MAD1L1: variants seen among roughly 807,000 people sequenced by gnomAD.
MAD1L1 encodes mitotic arrest deficient 1 like 1, also known as mitotic spindle assembly checkpoint protein MAD1.
A neutral mutation model predicts 96.9 loss-of-function variants in MAD1L1; 95 were observed. The ratio of observed to expected loss-of-function variants is 0.98; its 90% confidence interval spans 0.83 to 1.16. The LOEUF (loss-of-function observed/expected upper bound fraction) is 1.16. Among genes scored for constraint, MAD1L1 ranks in the 50% most tolerant of loss-of-function variants. MAD1L1 has a pLI of 0.00. For missense variants in MAD1L1, 1,007 were observed against 954.4 expected, an observed-to-expected ratio of 1.06 and a Z score of -0.73; for synonymous variants, 473 against 396.6, an observed-to-expected ratio of 1.19 and a Z score of -2.29.
At chr7:1,882,704 G>A (rs1442986370) in intron 18 of MAD1L1, among the ~76,000 whole-genome samples, 1 of 152,188 alleles carries the variant, frequency 6.6e-6, no homozygotes, top group East Asian at 1.9e-4. Flanking sequence ...CATGACATGG[G>A]CTCCAGCCAC....
At chr7:1,869,480 A>G (rs1308619002) in intron 18 of MAD1L1, among the ~76,000 whole-genome samples, 1 of 152,096 alleles carries the variant, frequency 6.6e-6, no homozygotes, top group Non-Finnish European at 1.5e-5. Context: ...GCCCACGTGC[A>G]GCTGGGAGCA....
chr7:2,051,451 A>AG (rs570399808), intron 12 of MAD1L1, among the ~76,000 whole-genome samples: 126 of 152,178 alleles, frequency 8.3e-4, no homozygotes, highest in African/African-American at 2.6e-3. Context: ...AGTGGTGGCG[A>AG]GGGGGGCGCT....
intron 11 of MAD1L1, among the ~76,000 whole-genome samples, chr7:2,100,444 T>C (rs1786720269): frequency 6.6e-6 from 1 of 152,348 alleles, no homozygotes; most frequent in East Asian, 1.9e-4. Context: ...ATTACAATGC[T>C]GGTGCCTTGC....
intron 12 of MAD1L1, among the ~76,000 whole-genome samples, chr7:2,034,740 T>C (rs942361901): frequency 6.6e-6 from 1 of 152,102 alleles, no homozygotes; most frequent in Non-Finnish European, 1.5e-5. Flanking sequence ...GGCTGATAGA[T>C]TGGCTGAATG....
At chr7:1,913,428 C>T (rs1237606706) in intron 17 of MAD1L1, among the ~76,000 whole-genome samples, 4 of 47,238 alleles carry the variant, frequency 8.5e-5, no homozygotes, top group Admixed American at 4.4e-4. Context: ...CGCGCGTGCA[C>T]GCCCGGCCTG....
chr7:2,065,834 G>A (rs923482811), intron 12 of MAD1L1, among the ~76,000 whole-genome samples: 1 of 152,192 alleles, frequency 6.6e-6, no homozygotes, highest in African/African-American at 2.4e-5. Context: ...AGACAACAAG[G>A]GGTGGGAAGC....
At position 2,014,637 on chromosome 7, in the gene MAD1L1, C is replaced by T; in HGVS notation, c.1224G>A (p.Arg408=). ...ACCCCAGGATGGCCCGCATACCGTCCCGCTCCTGTGGACACAGAGGGCAGC... is the reference window on the plus strand; with the variant it reads ...ACCCCAGGATGGCCCGCATACCGTCTCGCTCCTGTGGACACAGAGGGCAGC... ...QKRVLLLTKE[R]DGMRAILGSY... The change falls in exon 13 of 19, where the codon CGG becomes CGA. Residue 408 remains arginine (R), a synonymous_variant. Coordinates refer to ENST00000265854, the MANE Select transcript of MAD1L1 (RefSeq NM_001013836.2). 6.2e-7 allele frequency: 1 copy of T among 1,609,732 alleles called. No homozygotes were observed. The highest frequency in any genetic ancestry group is 8.5e-7 in the Non-Finnish European group (1 of 1,178,288).
At chr7:2,232,326 G>A (rs1210002114) in intron 1 of MAD1L1, among the ~76,000 whole-genome samples, 7 of 152,264 alleles carry the variant, frequency 4.6e-5, no homozygotes, top group African/African-American at 1.2e-4. Flanking sequence ...AGGCTCCACA[G>A]CCCAATTCCT....
chr7:1,992,215 C>A (rs1419731689), intron 14 of MAD1L1, among the ~76,000 whole-genome samples: 4 of 152,142 alleles, frequency 2.6e-5, no homozygotes, highest in African/African-American at 9.7e-5. Flanking sequence ...CCCACCAGAG[C>A]GCCACTGCTC....
intron 11 of MAD1L1, among the ~76,000 whole-genome samples, chr7:2,094,213 C>T (rs1786358977): frequency 6.6e-6 from 1 of 152,194 alleles, no homozygotes; most frequent in Non-Finnish European, 1.5e-5. Context: ...GGGACCCACC[C>T]ATGGTCAGTG....
intron 10 of MAD1L1, among the ~76,000 whole-genome samples, chr7:2,183,770 G>C (rs1264868267): frequency 6.6e-6 from 1 of 151,974 alleles, no homozygotes; most frequent in Non-Finnish European, 1.5e-5. Context: ...GGGGAGCGGG[G>C]AGGGACAGCA....
chr7:2,056,824 C>A (rs1317720739), intron 12 of MAD1L1, among the ~76,000 whole-genome samples: 2 of 152,192 alleles, frequency 1.3e-5, no homozygotes, highest in Non-Finnish European at 2.9e-5. Flanking sequence ...TGTGCTAACG[C>A]CAAAGCCCCT....
At chr7:1,863,993 C>A (rs1199664234) in intron 18 of MAD1L1, among the ~76,000 whole-genome samples, 1 of 100,192 alleles carries the variant, frequency 1.0e-5, no homozygotes, top group African/African-American at 5.3e-5. Flanking sequence ...GAGGCTGAGG[C>A]AGAGAACTGC....
intron 10 of MAD1L1, among the ~76,000 whole-genome samples, chr7:2,204,803 A>G (rs991755143): frequency 6.6e-6 from 1 of 152,198 alleles, no homozygotes; most frequent in African/African-American, 2.4e-5. Context: ...CTTAGATTAA[A>G]TACCGAGGAA....
At chr7:1,853,838 C>G (rs964772135) in intron 18 of MAD1L1, among the ~76,000 whole-genome samples, 1 of 152,150 alleles carries the variant, frequency 6.6e-6, no homozygotes, top group Non-Finnish European at 1.5e-5. Context: ...GGTGGCCGAG[C>G]AGGGGAGGAC....
intron 18 of MAD1L1, among the ~76,000 whole-genome samples, chr7:1,894,908 C>T (rs1786772707): frequency 6.6e-6 from 1 of 152,048 alleles, no homozygotes; most frequent in Non-Finnish European, 1.5e-5. Flanking sequence ...ACCAGGCACC[C>T]AGCAGTGGGG....
chr7:2,106,439 C>G (rs976777248), intron 11 of MAD1L1, among the ~76,000 whole-genome samples: 2 of 151,868 alleles, frequency 1.3e-5, no homozygotes, highest in Non-Finnish European at 2.9e-5. Flanking sequence ...CGGCCCCACC[C>G]TGCCCTTCCC....
At chr7:1,866,281 G>A (rs1784777003) in intron 18 of MAD1L1, among the ~76,000 whole-genome samples, 1 of 152,182 alleles carries the variant, frequency 6.6e-6, no homozygotes, top group South Asian at 2.1e-4. Flanking sequence ...AGGTGCCCAG[G>A]TGGGAGGAGA....
intron 18 of MAD1L1, among the ~76,000 whole-genome samples, chr7:1,896,747 T>C (rs1243884357): frequency 6.6e-6 from 1 of 152,238 alleles, no homozygotes; most frequent in African/African-American, 2.4e-5. Context: ...TTAGTCTTCC[T>C]AAGATTCGCT....
Sources: allele counts gnomAD v4.1 joint callset (sites outside exome capture counted in the v4.1 genomes callset), GRCh38; gene constraint gnomAD v4.1.1; transcripts MANE v1.5; gene names NCBI Gene and HGNC (gene_info 2026-07-23, HGNC 2026-07-21).